The following RUSC1 variants were observed in gnomAD, a reference collection of about 807,000 sequenced individuals.
RUSC1 encodes the protein RUN and SH3 domain containing 1.
Under a neutral mutation model 72.1 loss-of-function variants are expected in RUSC1, and 40 were observed. That is an observed-to-expected ratio of 0.55 (90% confidence interval 0.43 to 0.72). The LOEUF (loss-of-function observed/expected upper bound fraction) is 0.72. Ranked by LOEUF, RUSC1 falls within the 30% of genes least tolerant of loss-of-function variation. The probability of loss-of-function intolerance (pLI) is 0.00; values close to 1 mark genes in which losing one functional copy is unlikely to be tolerated. For synonymous variants in RUSC1, 512 were observed against 494.2 expected (o/e 1.04, Z -0.48); for missense variants, 1,092 against 1,172.3 (o/e 0.93, Z 1.00).
intron 2 of RUSC1, chr1:155,324,567 C>G: frequency 4.4e-6 from 7 of 1,578,734 alleles, no homozygotes; most frequent in Non-Finnish European, 6.0e-6. Context: ...ATCCCGCTCC[C>G]GGAGTTCCGG....
intron 2 of RUSC1, chr1:155,323,902 G>A (rs1369699320): frequency 1.1e-5 from 11 of 986,870 alleles, no homozygotes; most frequent in African/African-American, 1.7e-5. Flanking sequence ...CTTTTTTTCC[G>A]GGGTTGCCCA....
In RUSC1 at chr1:155,322,529, T is replaced by C; in HGVS notation, c.756T>C (p.Asn252=). ...CTGAATGGAAAACCACTGAAAACAA[T>C]AACACTGGTTGGAAAAACAACGGGA... ...TKAEWKTTEN[N]NTGWKNNGNV... Residue 252 remains asparagine (N), a synonymous_variant, in exon 2 of 10, where the codon AAT becomes AAC. Transcript: ENST00000368352. 1 of 1,613,952 alleles carries C rather than the reference T, an allele frequency of 6.2e-7. No homozygotes were observed. Among genetic ancestry groups the C allele is most frequent in the African/African-American group, 1.3e-5 (1 of 74,968 alleles).
Position 155,323,093 on chromosome 1 carries a change from A to G in RUSC1, c.1320A>G (p.Pro440=). The G allele has an allele frequency of 7.0e-7, 1 of 1,425,314 alleles. No homozygotes were observed. The highest frequency in any genetic ancestry group is 9.1e-7 in the Non-Finnish European group (1 of 1,094,272). 88.3% of individuals were successfully genotyped at this position (1,425,314 alleles called of 1,614,324 possible). A position where few individuals can be genotyped will look rare whatever the true frequency, so the allele number is the denominator to read the frequency against. ...GCCCAGCGGCTGGCGAGGAGGCCCC[A>G]GCCGCGAAGGAGCCGGGCGCGCAGG... ...AVSPAAGEEA[P]AAKEPGAQAG... The change falls in exon 2 of 10, where the codon CCA becomes CCG. Residue 440 remains proline (P), a synonymous_variant. Transcript: ENST00000368352.
Position 155,322,135 on chromosome 1 carries a change from T to A in RUSC1, c.362T>A (p.Val121Asp), listed in dbSNP as rs1305899098. ...DLSPDESPVS[V>D]YLRDLPGDED... ...AGCCCCGATGAGTCCCCTGTCTCAG[T>A]CTACTTGCGGGACCTCCCTGGTGAT... Residue 121 changes from valine to aspartate, a missense_variant, in exon 2 of 10, where the codon GTC becomes GAC. By Grantham distance (152) the Val-to-Asp change is radical. Coordinates refer to ENST00000368352, the MANE Select transcript of RUSC1 (RefSeq NM_001105203.2). 1.2e-6 allele frequency: 2 copies of A among 1,605,738 alleles called. No individual in the cohort carries two copies. Among genetic ancestry groups the A allele is most frequent in the Admixed American group, 1.7e-5 (1 of 59,302 alleles).
chr1:155,321,011 T>A lies in RUSC1; in HGVS notation c.-87+20T>A. ...ACCCTGGTGAGGAGGGCTCGGCCCA[T>A]GGGTGTAGACCGATGGACCTGGGCA... is the stretch of plus-strand genomic sequence containing the variant. On this transcript the variant is annotated intron_variant, in intron 1 of 9. Transcript: ENST00000368352. 1 of 1,500,230 alleles carries A rather than the reference T, an allele frequency of 6.7e-7. No individual in the cohort carries two copies. Among genetic ancestry groups the A allele is most frequent in the Non-Finnish European group, 9.0e-7 (1 of 1,108,684 alleles). The allele number at this position is 1,500,230 out of a possible 1,614,324, so 92.9% of individuals were successfully genotyped here.
Position 155,325,874 on chromosome 1 carries a change from T to C in RUSC1, c.1825T>C (p.Leu609=), listed in dbSNP as rs778216611. Residue 609 remains leucine, a synonymous_variant, in exon 7 of 10, where the codon TTG becomes CTG. Coordinates refer to ENST00000368352, the MANE Select transcript of RUSC1 (RefSeq NM_001105203.2). The surrounding 1 kb of genome is among the most constrained non-coding windows in gnomAD (Gnocchi z 6.5). ...FILGLLNTKQ[L]ELWFSSLQED... ...TCTTTTCTCCCCTAGCACCAAGCAG[T>C]TGGAGCTGTGGTTTTCCAGTCTCCA... is the stretch of plus-strand genomic sequence containing the variant. 3 of 1,614,002 alleles carry C rather than the reference T, an allele frequency of 1.9e-6. No homozygotes were observed. Among genetic ancestry groups the C allele is most frequent in the Non-Finnish European group, 2.5e-6 (3 of 1,180,012 alleles).
rs1031011443 is a variant in RUSC1, at chr1:155,326,173, G to C, written c.1861+263G>C. 2 of 582,482 alleles carry C rather than the reference G, an allele frequency of 3.4e-6. No individual in the cohort carries two copies. The highest frequency in any genetic ancestry group is 4.1e-5 in the South Asian group (2 of 49,074). 36.1% of individuals were successfully genotyped at this position (582,482 alleles called of 1,614,324 possible). On this transcript the variant is annotated intron_variant, in intron 7 of 9. Transcript: ENST00000368352. The surrounding 1 kb of genome is among the most constrained non-coding windows in gnomAD (Gnocchi z 4.7). Reference sequence around the variant, plus strand: ...TTCCCGCCTGGCCCTTCCTGCTCCAGGGCCCTGCTTATGCTGTTCCTCTAC... The same window carrying C: ...TTCCCGCCTGGCCCTTCCTGCTCCACGGCCCTGCTTATGCTGTTCCTCTAC...
chr1:155,321,365 G>A (rs781300881), intron 1 of RUSC1: 37 of 1,379,120 alleles, frequency 2.7e-5, no homozygotes, highest in Non-Finnish European at 3.6e-5. Context: ...GTAGGCTGGA[G>A]GGCAGGGCCA....
At position 155,325,514 on chromosome 1, in the gene RUSC1, C is replaced by T; in HGVS notation, c.1708+24C>T. 3 of 1,601,956 alleles carry T rather than the reference C, an allele frequency of 1.9e-6. No individual in the cohort carries two copies. Among genetic ancestry groups the T allele is most frequent in the East Asian group, 2.2e-5 (1 of 44,716 alleles). ...AGGTGAGCCAGGAGGGCGTGGGACC[C>T]GGCAGTGCGCAGGGCAGGGCCGGGC... On this transcript the variant is annotated intron_variant, in intron 5 of 9. Transcript: ENST00000368352. The surrounding 1 kb of genome is among the most constrained non-coding windows in gnomAD (Gnocchi z 6.5).
At chr1:155,324,474 C>CGCTGG in intron 2 of RUSC1, 1 of 1,610,042 alleles carries the variant, frequency 6.2e-7, no homozygotes. Flanking sequence ...CGGGGCGGTG[C>CGCTGG]GCTGGGCTAC....
intron 1 of RUSC1, chr1:155,321,285 C>T (rs535585539): frequency 5.8e-6 from 8 of 1,369,200 alleles, no homozygotes; most frequent in East Asian, 4.5e-5. Context: ...TATTGCCCCA[C>T]CCCCATCCTC....
chr1:155,330,515 G>C lies in RUSC1; in HGVS notation c.2653G>C (p.Gly885Arg). 6.2e-7 allele frequency: 1 copy of C among 1,613,854 alleles called. No individual in the cohort carries two copies. Among genetic ancestry groups the C allele is most frequent in the Non-Finnish European group, 8.5e-7 (1 of 1,179,870 alleles). ...AGTGGATGAGGACTGGCTCCGCTGT[G>C]GGCGGGATGGCATGGAGGGTCTGGT... is the stretch of plus-strand genomic sequence containing the variant. Reference protein sequence around the residue: ...TTVDEDWLRCGRDGMEGLVPV... With the variant: ...TTVDEDWLRCRRDGMEGLVPV... Residue 885 changes from glycine to arginine, a missense_variant, in exon 10 of 10, where the codon GGG becomes CGG. By Grantham distance (125) the Gly-to-Arg change is moderately radical. Transcript: ENST00000368352.
At position 155,322,559 on chromosome 1, in the gene RUSC1, TAACTC is replaced by T; in HGVS notation, c.787_791del (p.Asn263Ter). On this transcript the variant is annotated frameshift_variant, in exon 2 of 10. Coordinates refer to ENST00000368352, the MANE Select transcript of RUSC1 (RefSeq NM_001105203.2). LOFTEE classifies it high-confidence loss of function. ...CTGGTTGGAAAAACAACGGGAATGT[TAACTC>T]TAGCTGGAAAAGTGAACCTGAAAAA... 1 of 1,614,162 alleles carries T rather than the reference TAACTC, an allele frequency of 6.2e-7. No individual in the cohort carries two copies. Among genetic ancestry groups the T allele is most frequent in the South Asian group, 1.1e-5 (1 of 91,084 alleles).
chr1:155,321,838 T>C lies in RUSC1; in HGVS notation c.65T>C (p.Leu22Pro), dbSNP rs755946697. Residue 22 changes from leucine to proline, a missense_variant, in exon 2 of 10, where the codon CTG becomes CCG. Transcript: ENST00000368352. The part of the protein sequence containing the change: ...LNHIHLQHVS[L>P]GLHLSRRPEL... ...CACATCCACCTCCAGCACGTCTCCC[T>C]GGGCCTGCACTTGTCCCGCCGTCCT... 6.2e-7 allele frequency: 1 copy of C among 1,613,846 alleles called. No individual in the cohort carries two copies. Among genetic ancestry groups the C allele is most frequent in the Non-Finnish European group, 8.5e-7 (1 of 1,180,034 alleles).
In RUSC1 at chr1:155,326,983, G is replaced by T; in HGVS notation, c.2265G>T (p.Pro755=). 6.2e-7 allele frequency: 1 copy of T among 1,613,634 alleles called. No individual in the cohort carries two copies. The highest frequency in any genetic ancestry group is 8.5e-7 in the Non-Finnish European group (1 of 1,180,034). Residue 755 remains proline (P), a synonymous_variant, in exon 8 of 10, where the codon CCG becomes CCT. Transcript: ENST00000368352. This position sits in a 1 kb window ranked among gnomAD's most constrained non-coding sequence, Gnocchi z 4.7. ...GCTTTCCTCTTTCCCGATGGGCACC[G>T]GGGCGTCATGGGACTGCAGCTGAAG... ...TEGFPLSRWA[P]GRHGTAAEEG... is the part of the protein sequence containing the mutation.
Position 155,322,342 on chromosome 1 carries a change from A to G in RUSC1, c.569A>G (p.Asp190Gly). 1 of 1,612,736 alleles carries G rather than the reference A, an allele frequency of 6.2e-7. No individual in the cohort carries two copies. Among genetic ancestry groups the G allele is most frequent in the South Asian group, 1.1e-5 (1 of 91,056 alleles). ...SNCNALTTCQDVPSPGLEEED... is the reference protein window; with the variant it reads ...SNCNALTTCQGVPSPGLEEED... Reference sequence around the variant, plus strand: ...TGCAACGCCCTGACCACCTGCCAGGACGTCCCTTCCCCAGGCTTGGAGGAA... The same window carrying G: ...TGCAACGCCCTGACCACCTGCCAGGGCGTCCCTTCCCCAGGCTTGGAGGAA... The change falls in exon 2 of 10, where the codon GAC (aspartate) becomes GGC (glycine). Residue 190 changes from aspartate (D) to glycine (G), a missense_variant. Coordinates refer to ENST00000368352, the MANE Select transcript of RUSC1 (RefSeq NM_001105203.2).
rs1557997765 is a variant in RUSC1 at position 155,326,475 on chromosome 1, G to A, written c.1862-105G>A. ...TTCCTCCTCTCTGCCCCAGTGCCCA[G>A]CAGAGTGAGGCCTGGGAAGATGTGT... On this transcript the variant is annotated intron_variant, in intron 7 of 9. Transcript: ENST00000368352. The surrounding 1 kb of genome is among the most constrained non-coding windows in gnomAD (Gnocchi z 4.7). The A allele has an allele frequency of 6.7e-6, 8 of 1,186,506 alleles. No homozygotes were observed. Among genetic ancestry groups the A allele is most frequent in the Non-Finnish European group, 9.5e-6 (8 of 846,446 alleles). 73.5% of individuals were successfully genotyped at this position (1,186,506 alleles called of 1,614,324 possible).
intron 2 of RUSC1, chr1:155,324,481 C>T: frequency 6.2e-7 from 1 of 1,608,992 alleles, no homozygotes; most frequent in Non-Finnish European, 8.5e-7. Flanking sequence ...GTGCGCTGGG[C>T]TACACCTCCC....
In RUSC1 at chr1:155,325,621, C is replaced by A; in HGVS notation, c.1763C>A (p.Pro588Gln). The A allele has an allele frequency of 1.9e-6, 3 of 1,613,270 alleles. No individual in the cohort carries two copies. The highest frequency in any genetic ancestry group is 2.5e-6 in the Non-Finnish European group (3 of 1,180,006). ...TATAGCCAGGTCAGCCGTCTAGCCC[C>A]GCTGAGCAGCAGCCGTAGCCGCTTC... ...TLYSQVSRLA[P>Q]LSSSRSRFHA... The change falls in exon 6 of 10, where the codon CCG (proline) becomes CAG (glutamine). Residue 588 changes from proline (P) to glutamine (Q), a missense_variant. Coordinates refer to ENST00000368352, the MANE Select transcript of RUSC1 (RefSeq NM_001105203.2). The surrounding 1 kb of genome is among the most constrained non-coding windows in gnomAD (Gnocchi z 6.5).
Sources: allele counts gnomAD v4.1 joint callset, GRCh38; gene constraint gnomAD v4.1.1; non-coding constraint Gnocchi (gnomAD v3.1); transcripts MANE v1.5; gene names NCBI Gene and HGNC (gene_info 2026-07-23, HGNC 2026-07-21).